Variants in FMN2 observed in about 807,000 individuals in gnomAD.
The protein encoded by FMN2 is formin-2.
A neutral mutation model predicts 142.3 loss-of-function variants in FMN2; 51 were observed. The observed-to-expected ratio is 0.36, with a 90% CI of 0.29 to 0.45. The LOEUF (loss-of-function observed/expected upper bound fraction) is 0.45, where lower values mean the gene tolerates loss of function less well. Ranked by LOEUF, FMN2 falls within the 20% of genes least tolerant of loss-of-function variation. FMN2 has a pLI of 1.00. For missense variants in FMN2, 1,936 were observed against 2,122.8 expected (o/e 0.91, Z 1.73); for synonymous variants, 882 against 869.8 (o/e 1.01, Z -0.25).
At chr1:240,256,802 GT>G (rs1158876606) in intron 6 of FMN2, among the ~76,000 whole-genome samples, 1 of 152,108 alleles carries the variant, frequency 6.6e-6, no homozygotes, top group Admixed American at 6.5e-5. Context: ...GGTTTTCGTG[GT>G]TGGTCCTTCT....
At chr1:240,454,936 A>G (rs112693746) in intron 16 of FMN2, among the ~76,000 whole-genome samples, 1,805 of 149,864 alleles carry the variant, frequency 0.012, 26 homozygotes, top group African/African-American at 0.044. Context: ...ACTGGAAATG[A>G]CACAACCATT....
chr1:240,243,071 G>A (rs1370062219), intron 6 of FMN2, among the ~76,000 whole-genome samples: 1 of 151,982 alleles, frequency 6.6e-6, no homozygotes, highest in Non-Finnish European at 1.5e-5. Context: ...ATTAATCTGA[G>A]TAGGAGAATA....
At chr1:240,301,020 T>C (rs1400687131) in intron 8 of FMN2, among the ~76,000 whole-genome samples, 2 of 152,050 alleles carry the variant, frequency 1.3e-5, no homozygotes, top group South Asian at 2.1e-4. Flanking sequence ...TGATAATCTT[T>C]ACTTTCTTGG....
At chr1:240,172,839 C>T (rs1480974121) in intron 2 of FMN2, among the ~76,000 whole-genome samples, 1 of 152,112 alleles carries the variant, frequency 6.6e-6, no homozygotes. Context: ...TTAGCAGCTA[C>T]AGCCTCTGCC....
At chr1:240,180,295 G>C (rs182501300) in intron 3 of FMN2, 6 of 567,428 alleles carry the variant, frequency 1.1e-5, no homozygotes, top group Non-Finnish European at 1.6e-5. Context: ...AACTTCTTCT[G>C]TTGTGACTCC....
chr1:240,332,364 T>A (rs2103016911), intron 11 of FMN2, among the ~76,000 whole-genome samples: 1 of 113,892 alleles, frequency 8.8e-6, no homozygotes, highest in Admixed American at 9.9e-5. Flanking sequence ...GTGAGAGCCC[T>A]TCTCAAAAAA....
intron 6 of FMN2, among the ~76,000 whole-genome samples, chr1:240,238,169 A>C (rs1667770357): frequency 6.6e-6 from 1 of 152,234 alleles, no homozygotes; most frequent in Admixed American, 6.5e-5. Flanking sequence ...ACCTTTATGC[A>C]GCTGACTGTA....
At chr1:240,386,384 A>G (rs1673406075) in intron 14 of FMN2, among the ~76,000 whole-genome samples, 1 of 152,204 alleles carries the variant, frequency 6.6e-6, no homozygotes, top group South Asian at 2.1e-4. Context: ...TAGCAAAAAG[A>G]TTTAGAGCCT....
At position 240,207,032 on chromosome 1, in the gene FMN2, G is replaced by A. The variant is rs1188925496; in HGVS notation, c.2220G>A (p.Glu740=). 7 of 1,614,032 alleles carry A rather than the reference G, an allele frequency of 4.3e-6. No homozygotes were observed. The African/African-American group carries it at 9.3e-5, about 22-fold the overall frequency. The change falls in exon 5 of 18, where the codon GAG becomes GAA. Residue 740 remains glutamate (E), a synonymous_variant. Transcript: ENST00000319653. ...EKEVRHHRIL[E]AKSIQTSPTE... ...AAGTACGGCATCATAGGATTTTAGA[G>A]GCGAAATCGATACAGACTTCCCCCA...
At chr1:240,393,171 A>T (rs931206089) in intron 15 of FMN2, among the ~76,000 whole-genome samples, 68 of 149,944 alleles carry the variant, frequency 4.5e-4, no homozygotes, top group Middle Eastern at 3.5e-3. Context: ...AGATAAGTGT[A>T]TTTTTTTTTT....
intron 13 of FMN2, 136 bp downstream of exon 13, chr1:240,334,365 C>CA (rs1671491947): frequency 1.9e-6 from 2 of 1,036,080 alleles, no homozygotes; most frequent in Non-Finnish European, 2.6e-6. Flanking sequence ...GGCGAAAGAA[C>CA]AATTTTGCCT....
At chr1:240,182,566 T>C (rs1665195925) in intron 3 of FMN2, among the ~76,000 whole-genome samples, 1 of 152,122 alleles carries the variant, frequency 6.6e-6, no homozygotes, top group Admixed American at 6.5e-5. Flanking sequence ...TTCACCTTTG[T>C]TCCAAAAAAA....
intron 14 of FMN2, among the ~76,000 whole-genome samples, chr1:240,390,875 C>T (rs1183592146): frequency 2.0e-5 from 3 of 152,216 alleles, no homozygotes. Flanking sequence ...TTCTTCTAAT[C>T]TGCCTGAATC....
chr1:240,332,835 C>T (rs1416808980), intron 11 of FMN2, among the ~76,000 whole-genome samples: 2 of 152,160 alleles, frequency 1.3e-5, no homozygotes, highest in Admixed American at 1.3e-4. Context: ...AATTTTCTCT[C>T]AGCATGCCTA....
chr1:240,223,811 C>T (rs1667205828), intron 6 of FMN2, among the ~76,000 whole-genome samples: 1 of 152,146 alleles, frequency 6.6e-6, no homozygotes, highest in African/African-American at 2.4e-5. Flanking sequence ...GTTTGTATTT[C>T]TGTGGGATCA....
chr1:240,245,992 A>G (rs1279313743), intron 6 of FMN2, among the ~76,000 whole-genome samples: 2 of 152,040 alleles, frequency 1.3e-5, no homozygotes, highest in African/African-American at 4.8e-5. Context: ...CATCCTGGCT[A>G]ACATGGTGAA....
chr1:240,285,629 G>GGAGGAA (rs1669560223), intron 7 of FMN2, among the ~76,000 whole-genome samples: 1 of 152,108 alleles, frequency 6.6e-6, no homozygotes, highest in East Asian at 1.9e-4. Context: ...ATTAGAAGTA[G>GGAGGAA]GAGGAAGAGG....
intron 7 of FMN2, among the ~76,000 whole-genome samples, chr1:240,270,576 A>G (rs1185111043): frequency 2.0e-5 from 3 of 152,112 alleles, no homozygotes; most frequent in Non-Finnish European, 4.4e-5. Flanking sequence ...CACAAGAGCC[A>G]TGAAATGGAA....
rs545310345 is a variant in FMN2 at position 240,351,279 on chromosome 1, G to A, written c.4766-4537G>A. ...AGAGATATTTACTCAGTATACAGTT[G>A]GGAATTCTAATATTTTGAGCTGCTT... On this transcript the variant is annotated intron_variant, in intron 13 of 17. Transcript: ENST00000319653. Among the ~76,000 whole-genome samples, 8 of 152,268 alleles carry A rather than the reference G, an allele frequency of 5.3e-5. No individual in the cohort carries two copies. In the East Asian group the frequency reaches 1.5e-3, roughly 29 times the overall value.
Sources: allele counts gnomAD v4.1 joint callset (sites outside exome capture counted in the v4.1 genomes callset), GRCh38; gene constraint gnomAD v4.1.1; transcripts MANE v1.5; gene names NCBI Gene and HGNC (gene_info 2026-07-23, HGNC 2026-07-21).